The following TFB1M variants were observed in gnomAD, a reference collection of about 807,000 sequenced individuals.
The protein encoded by TFB1M is dimethyladenosine transferase 1, mitochondrial.
A neutral mutation model predicts 31.1 loss-of-function variants in TFB1M; 27 were observed. The observed-to-expected ratio is 0.87, with a 90% CI of 0.64 to 1.20. TFB1M has a LOEUF of 1.20. Among genes scored for constraint, TFB1M ranks in the 50% most tolerant of loss-of-function variants. The probability of loss-of-function intolerance (pLI) is 0.00; values close to 1 mark genes in which losing one functional copy is unlikely to be tolerated. For missense variants in TFB1M, 394 were observed against 418.7 expected (o/e 0.94, Z 0.51); for synonymous variants, 166 against 151.8 (o/e 1.09, Z -0.69).
intron 2 of TFB1M, chr6:155,303,165 A>G (rs989807119): frequency 9.9e-5 from 15 of 152,206 alleles, no homozygotes; most frequent in African/African-American, 3.4e-4. Flanking sequence ...TACATTGTAC[A>G]CAACGTACAG....
At chr6:155,292,108 G>C (rs1776952840) in intron 4 of TFB1M, among the ~76,000 whole-genome samples, 1 of 152,172 alleles carries the variant, frequency 6.6e-6, no homozygotes, top group Admixed American at 6.5e-5. Context: ...AAGAGGACTG[G>C]AGGCCCTTCT....
intron 2 of TFB1M, among the ~76,000 whole-genome samples, chr6:155,299,841 A>C (rs1243148953): frequency 6.6e-6 from 1 of 152,232 alleles, no homozygotes; most frequent in East Asian, 1.9e-4. Context: ...TGGACCAAGA[A>C]ACATGGCTTG....
the TFB1M span, chr6:155,247,969 C>T: frequency 6.2e-7 from 1 of 1,607,368 alleles, no homozygotes; most frequent in East Asian, 2.2e-5. Flanking sequence ...CCACTGTGCT[C>T]TTCTGAGGTC....
the TFB1M span, among the ~76,000 whole-genome samples, chr6:155,231,022 A>C: frequency 6.8e-6 from 1 of 146,738 alleles, no homozygotes; most frequent in Non-Finnish European, 1.5e-5. Context: ...TTGTATTTTT[A>C]GTAGAGATGG....
intron 1 of TFB1M, 64 bp downstream of exon 1, chr6:155,314,231 AC>A: frequency 1.3e-6 from 2 of 1,594,150 alleles, no homozygotes; most frequent in Non-Finnish European, 8.5e-7. Flanking sequence ...GACGTGCAAG[AC>A]CCCCCGGCCC....
downstream of TFB1M, among the ~76,000 whole-genome samples, chr6:155,251,770 C>T (rs1783669689): frequency 6.6e-6 from 1 of 152,166 alleles, no homozygotes; most frequent in Non-Finnish European, 1.5e-5. Flanking sequence ...GGTGCTTCTG[C>T]ATAGTTCAAA....
At chr6:155,296,426 A>ATTT (rs71023639) in intron 4 of TFB1M, among the ~76,000 whole-genome samples, 24 of 103,454 alleles carry the variant, frequency 2.3e-4, no homozygotes, top group African/African-American at 4.4e-4. Flanking sequence ...CACCCAGCTA[A>ATTT]TTTTTTTTTT....
At chr6:155,289,354 C>G (rs138604368) in intron 4 of TFB1M, among the ~76,000 whole-genome samples, 100 of 152,302 alleles carry the variant, frequency 6.6e-4, no homozygotes, top group African/African-American at 2.4e-3. Flanking sequence ...TACCTGTACT[C>G]AAGTTCAGCC....
intron 2 of TFB1M, among the ~76,000 whole-genome samples, chr6:155,304,561 C>T (rs953177117): frequency 3.3e-5 from 5 of 152,044 alleles, no homozygotes; most frequent in African/African-American, 9.7e-5. Flanking sequence ...GAATTCTACA[C>T]ACAAGAAACA....
intron 2 of TFB1M, among the ~76,000 whole-genome samples, chr6:155,300,337 G>T (rs1777368281): frequency 6.6e-6 from 1 of 152,134 alleles, no homozygotes; most frequent in Non-Finnish European, 1.5e-5. Flanking sequence ...TGTACTTATA[G>T]ATTATTTTAA....
At chr6:155,254,731 A>T, downstream of TFB1M, 1 of 929,470 alleles carries the variant, frequency 1.1e-6, no homozygotes, top group Non-Finnish European at 1.6e-6. Flanking sequence ...TTGCTCCCAG[A>T]CGTTCTACTG....
downstream of TFB1M, chr6:155,252,968 A>G: frequency 6.2e-7 from 1 of 1,614,108 alleles, no homozygotes; most frequent in Non-Finnish European, 8.5e-7. Flanking sequence ...CCCGGCCTGC[A>G]CACAACTCTA....
At chr6:155,244,595 G>A in the TFB1M span, 1 of 1,571,676 alleles carries the variant, frequency 6.4e-7, no homozygotes, top group Non-Finnish European at 8.7e-7. Flanking sequence ...GGGCCTAAGA[G>A]TTAGCGTGGT....
chr6:155,244,921 A>T, the TFB1M span: 1 of 1,117,212 alleles, frequency 9.0e-7, no homozygotes, highest in Non-Finnish European at 1.2e-6. Context: ...ATTTCCTTGC[A>T]CCGTTTTCCT....
At chr6:155,254,528 C>T (rs371773598), downstream of TFB1M, 173 of 1,613,864 alleles carry the variant, frequency 1.1e-4, no homozygotes, top group Middle Eastern at 1.6e-4. Context: ...GTGTAAGGAT[C>T]GCCTGGTACC....
chr6:155,243,086 G>T, the TFB1M span, among the ~76,000 whole-genome samples: 1 of 152,112 alleles, frequency 6.6e-6, no homozygotes, highest in Non-Finnish European at 1.5e-5. Flanking sequence ...CATGGGTTTT[G>T]TAACTGCAGT....
At chr6:155,305,358 A>G (rs1777652647) in intron 2 of TFB1M, among the ~76,000 whole-genome samples, 1 of 35,354 alleles carries the variant, frequency 2.8e-5, no homozygotes, top group Non-Finnish European at 4.5e-5. Flanking sequence ...TAAATTGTAT[A>G]TTTATATATA....
chr6:155,244,929 CCT>C, the TFB1M span: 3 of 1,073,030 alleles, frequency 2.8e-6, no homozygotes, highest in Admixed American at 3.0e-5. Context: ...GCACCGTTTT[CCT>C]CTGTCAGGTG....
At chr6:155,230,816 A>G in the TFB1M span, among the ~76,000 whole-genome samples, 2 of 151,378 alleles carry the variant, frequency 1.3e-5, no homozygotes, top group Admixed American at 6.7e-5. Context: ...CTTTTAAATT[A>G]CTTTAAAATG....
Sources: gnomAD v4.1 joint callset for allele counts (sites outside exome capture counted in the v4.1 genomes callset) on GRCh38, gnomAD v4.1.1 for gene constraint, MANE v1.5 for transcripts, NCBI Gene and HGNC (gene_info 2026-07-23, HGNC 2026-07-21) for gene names.